Variants in FILIP1L observed in about 807,000 individuals in gnomAD.
The protein encoded by FILIP1L is filamin A-interacting protein 1-like.
A neutral mutation model predicts 96.6 loss-of-function variants in FILIP1L; 55 were observed. The ratio of observed to expected loss-of-function variants is 0.57; its 90% CI spans 0.46 to 0.71. The LOEUF (loss-of-function observed/expected upper bound fraction) is 0.71, where lower values mean the gene tolerates loss of function less well. FILIP1L is among the 30% of genes least tolerant of loss of function. The probability of loss-of-function intolerance (pLI) is 0.00; values close to 1 mark genes in which losing one functional copy is unlikely to be tolerated. For synonymous variants in FILIP1L, 467 were observed against 473.9 expected (o/e 0.99, Z 0.19); for missense variants, 1,304 against 1,321.2 (o/e 0.99, Z 0.20).
chr3:100,082,550 G>A (rs1473346928), intron 1 of FILIP1L, among the ~76,000 whole-genome samples: 2 of 152,212 alleles, frequency 1.3e-5, no homozygotes, highest in Non-Finnish European at 2.9e-5. Flanking sequence ...AGTGAGGAAT[G>A]AGCCAGCTTT....
At chr3:99,885,605 C>T (rs1358427458) in intron 4 of FILIP1L, among the ~76,000 whole-genome samples, 1 of 152,214 alleles carries the variant, frequency 6.6e-6, no homozygotes, top group African/African-American at 2.4e-5. Flanking sequence ...GTAAAAGTGG[C>T]TTAGGGCTCA....
intron 1 of FILIP1L, among the ~76,000 whole-genome samples, chr3:99,956,530 A>G (rs577079632): frequency 2.0e-5 from 3 of 152,126 alleles, no homozygotes; most frequent in Non-Finnish European, 4.4e-5. Context: ...TGATGAGATT[A>G]TAGATGGGGT....
intron 4 of FILIP1L, among the ~76,000 whole-genome samples, chr3:99,861,353 T>C (rs1231372518): frequency 6.6e-6 from 1 of 152,180 alleles, no homozygotes. Context: ...GGGAGAAGTA[T>C]CCAAAAAGCC....
rs374024354 is a variant in FILIP1L, at chr3:99,938,092, T to C, written c.-10-7062A>G. 3.6e-3 allele frequency among the ~76,000 whole-genome samples: 528 copies of C among 148,044 alleles called. 3 individuals carry two copies. Among genetic ancestry groups the C allele is most frequent in the Admixed American group, 5.0e-3 (75 of 14,972 alleles). On this transcript the variant is annotated intron_variant, in intron 1 of 5. Coordinates refer to ENST00000477258, the MANE Select transcript of FILIP1L (RefSeq NM_001387850.1). ...GTGTGTGTGCGCGCGCGCGCGCGCG[T>C]GCATGCACACTCGTGCTGGGTGGGG...
chr3:99,989,161 A>G (rs1422632883), intron 1 of FILIP1L, among the ~76,000 whole-genome samples: 2 of 152,232 alleles, frequency 1.3e-5, no homozygotes, highest in Non-Finnish European at 2.9e-5. Context: ...TGACATGGGT[A>G]TTATAATTTT....
intron 5 of FILIP1L, chr3:99,833,164 A>G (rs1942752946): frequency 3.6e-6 from 5 of 1,387,580 alleles, no homozygotes; most frequent in African/African-American, 1.4e-5. Context: ...CGATTTTTTA[A>G]TAAATGCTTA....
Position 99,991,281 on chromosome 3 carries a change from G to A in FILIP1L, c.-10-60251C>T, listed in dbSNP as rs538757576. On this transcript the variant is annotated intron_variant, in intron 1 of 5. Transcript: ENST00000477258. ...TGGCTGATCTACCTGTTTGTGAAGT[G>A]TGAGGCCTACCTGCAGGGGCACACA... Among the ~76,000 whole-genome samples, 49 of 152,284 alleles carry A rather than the reference G, an allele frequency of 3.2e-4. No homozygotes were observed. In the South Asian group the frequency reaches 1.0e-2, roughly 31 times the overall value.
At chr3:99,880,864 G>T (rs771892554) in intron 4 of FILIP1L, among the ~76,000 whole-genome samples, 1 of 152,042 alleles carries the variant, frequency 6.6e-6, no homozygotes, top group Non-Finnish European at 1.5e-5. Context: ...TCGTAGTGTG[G>T]ATGGACCCTG....
At chr3:99,900,088 A>G (rs1288740706) in intron 4 of FILIP1L, among the ~76,000 whole-genome samples, 2 of 152,366 alleles carry the variant, frequency 1.3e-5, no homozygotes, top group East Asian at 3.9e-4. Flanking sequence ...ATACATATCT[A>G]GAACAGTGTT....
At chr3:99,955,664 G>T (rs1708300999) in intron 1 of FILIP1L, among the ~76,000 whole-genome samples, 1 of 152,160 alleles carries the variant, frequency 6.6e-6, no homozygotes, top group African/African-American at 2.4e-5. Context: ...ACTCTTTGAT[G>T]ATAATGAAAT....
intron 4 of FILIP1L, among the ~76,000 whole-genome samples, chr3:99,910,847 A>C (rs1706764740): frequency 6.6e-6 from 1 of 152,200 alleles, no homozygotes; most frequent in South Asian, 2.1e-4. Context: ...AATGTTGCCC[A>C]AGAAACTTGG....
chr3:100,075,258 A>T (rs542123995), intron 1 of FILIP1L, among the ~76,000 whole-genome samples: 21 of 152,294 alleles, frequency 1.4e-4, no homozygotes, highest in African/African-American at 5.1e-4. Context: ...CTTTCAAATA[A>T]TGGACTTCTA....
At chr3:99,833,080 C>T (rs1942750444) in intron 5 of FILIP1L, 5 of 677,214 alleles carry the variant, frequency 7.4e-6, no homozygotes, top group Admixed American at 2.8e-5. Flanking sequence ...GAGTTGGAGG[C>T]TCCTGGGTTT....
chr3:99,855,186 C>T (rs999182990), intron 4 of FILIP1L, among the ~76,000 whole-genome samples: 8 of 152,160 alleles, frequency 5.3e-5, no homozygotes, highest in Non-Finnish European at 1.0e-4. Context: ...TACATGACCA[C>T]CCATTTTTTT....
At chr3:100,029,748 T>C (rs2064990248) in intron 1 of FILIP1L, among the ~76,000 whole-genome samples, 1 of 152,190 alleles carries the variant, frequency 6.6e-6, no homozygotes, top group African/African-American at 2.4e-5. Context: ...TTCAAAATTC[T>C]GCTAGACAAA....
chr3:100,054,018 T>C (rs144258323), intron 1 of FILIP1L, among the ~76,000 whole-genome samples: 1 of 152,376 alleles, frequency 6.6e-6, no homozygotes, highest in African/African-American at 2.4e-5. Context: ...TAAAAGTATG[T>C]AATATTCTCC....
At chr3:99,913,408 ATC>A (rs1303366036) in intron 4 of FILIP1L, among the ~76,000 whole-genome samples, 12 of 152,234 alleles carry the variant, frequency 7.9e-5, no homozygotes, top group Non-Finnish European at 1.8e-4. Context: ...ATGAAGTGGT[ATC>A]TCTCTGTTAC....
chr3:99,927,552 A>G (rs1707333866), intron 3 of FILIP1L, among the ~76,000 whole-genome samples: 1 of 152,200 alleles, frequency 6.6e-6, no homozygotes, highest in African/African-American at 2.4e-5. Flanking sequence ...TATTTTTAGT[A>G]GAAACGGGCT....
intron 1 of FILIP1L, among the ~76,000 whole-genome samples, chr3:100,037,956 TGGG>T (rs1313968492): frequency 3.4e-5 from 3 of 87,814 alleles, no homozygotes; most frequent in South Asian, 3.8e-4. Flanking sequence ...TTTTTTTTTT[TGGG>T]GGGGGAGGGA....
Sources: gnomAD v4.1 joint callset for allele counts (sites outside exome capture counted in the v4.1 genomes callset) on GRCh38, gnomAD v4.1.1 for gene constraint, MANE v1.5 for transcripts, NCBI Gene and HGNC (gene_info 2026-07-23, HGNC 2026-07-21) for gene names.